The following LAMA2 variants were observed in gnomAD, a reference collection of about 807,000 sequenced individuals.
LAMA2 encodes the protein laminin subunit alpha-2.
Under a neutral mutation model 364.8 loss-of-function variants are expected in LAMA2, and 269 were observed. The observed-to-expected ratio is 0.74, with a 90% CI of 0.67 to 0.82. The LOEUF is 0.82. Ranked by LOEUF, LAMA2 falls within the 40% of genes least tolerant of loss-of-function variation. The pLI is 0.00. For synonymous variants in LAMA2, 1,379 were observed against 1,370.6 expected (o/e 1.01, Z -0.14); for missense variants, 3,807 against 3,873.2 (o/e 0.98, Z 0.45).
chr6:129,037,407 A>T (rs1786716892), intron 1 of LAMA2, among the ~76,000 whole-genome samples: 1 of 152,196 alleles, frequency 6.6e-6, no homozygotes, highest in African/African-American at 2.4e-5. Flanking sequence ...TAAAATGAAT[A>T]TATTGAAGTG....
intron 9 of LAMA2, among the ~76,000 whole-genome samples, chr6:129,176,832 T>A (rs1388060835): frequency 6.6e-6 from 1 of 152,130 alleles, no homozygotes; most frequent in Admixed American, 6.5e-5. Flanking sequence ...TTGTGCACAT[T>A]ACATGTTTAT....
intron 62 of LAMA2, among the ~76,000 whole-genome samples, chr6:129,511,929 G>GA (rs1786616875): frequency 6.6e-6 from 1 of 152,066 alleles, no homozygotes. Context: ...AAACTTTACT[G>GA]AAAAATAACT....
At chr6:129,410,677 T>C (rs543947642) in intron 40 of LAMA2, among the ~76,000 whole-genome samples, 1 of 152,126 alleles carries the variant, frequency 6.6e-6, no homozygotes, top group Non-Finnish European at 1.5e-5. Context: ...GATAGGTGGA[T>C]AATAGGCTGG....
chr6:129,481,245 C>G lies in LAMA2; in HGVS notation c.7573-18C>G. The stretch of plus-strand genomic sequence containing the variant: ...TTCATTTCTAATGGTTTCTACTCTT[C>G]TTTTCCTTTACTCACAGAATGTTTA... On this transcript the variant is annotated intron_variant, in intron 54 of 64. Transcript: ENST00000421865. 6.2e-7 allele frequency: 1 copy of G among 1,609,272 alleles called. No homozygotes were observed. Among genetic ancestry groups the G allele is most frequent in the Non-Finnish European group, 8.5e-7 (1 of 1,175,758 alleles).
rs116223750 is a variant in LAMA2 at position 129,421,004 on chromosome 6, T to C, written c.5866-6748T>C. The stretch of plus-strand genomic sequence containing the variant: ...CATTTTGAATATTTGGTGCTTGAGA[T>C]AAATAAAAAGTTTTGTTGGGTAAAT... On this transcript the variant is annotated intron_variant, in intron 40 of 64. Coordinates refer to ENST00000421865, the MANE Select transcript of LAMA2 (RefSeq NM_000426.4). Among the ~76,000 whole-genome samples, 436 of 152,302 alleles carry C rather than the reference T, an allele frequency of 2.9e-3. 3 individuals carry two copies. The highest frequency in any genetic ancestry group is 9.9e-3 in the African/African-American group (413 of 41,552).
intron 55 of LAMA2, among the ~76,000 whole-genome samples, chr6:129,486,048 A>G (rs896633811): frequency 6.6e-6 from 1 of 152,254 alleles, no homozygotes; most frequent in Non-Finnish European, 1.5e-5. Flanking sequence ...CTACCAGCTC[A>G]GAGAACAAAT....
chr6:129,443,120 C>G (rs1291560161), intron 44 of LAMA2, 52 bp downstream of exon 44: 3 of 1,432,886 alleles, frequency 2.1e-6, no homozygotes, highest in Non-Finnish European at 2.9e-6. Context: ...GCTTCATTGC[C>G]TATTGCAAAA....
chr6:129,478,616 T>C, intron 53 of LAMA2, 77 bp from the exon 54 acceptor site: 1 of 1,503,278 alleles, frequency 6.7e-7, no homozygotes, highest in Admixed American at 1.7e-5. Context: ...TCCACAAGGC[T>C]TCCTTCCCAT....
At chr6:128,972,905 A>G (rs1038333502) in intron 1 of LAMA2, among the ~76,000 whole-genome samples, 2 of 152,130 alleles carry the variant, frequency 1.3e-5, no homozygotes, top group African/African-American at 4.8e-5. Flanking sequence ...TTTGAAAAAT[A>G]TTGAGGTTAT....
rs111330068 is a variant in LAMA2 at position 129,287,764 on chromosome 6, G to A, written c.2538-83G>A. The A allele has an allele frequency of 7.2e-6, 8 of 1,106,094 alleles. No homozygotes were observed. In the African/African-American group the frequency reaches 7.7e-5, roughly 11 times the overall value. The allele number at this position is 1,106,094 out of a possible 1,614,324, so 68.5% of individuals were successfully genotyped here. A position where few individuals can be genotyped will look rare whatever the true frequency, so the allele number is the denominator to read the frequency against. On this transcript the variant is annotated intron_variant, in intron 18 of 64. Transcript: ENST00000421865. ...TTAAAAGGAAAATCCATCATCCTGGGAGAAGGGGAGAATGAAAAATATGTA... is the reference window on the plus strand; with the variant it reads ...TTAAAAGGAAAATCCATCATCCTGGAAGAAGGGGAGAATGAAAAATATGTA...
At chr6:129,335,816 G>A (rs1775925864) in intron 29 of LAMA2, among the ~76,000 whole-genome samples, 1 of 152,164 alleles carries the variant, frequency 6.6e-6, no homozygotes, top group Admixed American at 6.5e-5. Flanking sequence ...AAAAGTATTA[G>A]AAGCAGGTTT....
rs1786309286 is a variant in LAMA2, at chr6:129,252,241, T to G, written c.2042T>G (p.Leu681Trp). 6.2e-7 allele frequency: 1 copy of G among 1,614,038 alleles called. No homozygotes were observed. The highest frequency in any genetic ancestry group is 1.3e-5 in the African/African-American group (1 of 74,942). The change falls in exon 14 of 65, where the codon TTG (leucine) becomes TGG (tryptophan). Residue 681 changes from leucine to tryptophan, a missense_variant. Physicochemically the swap from Leu to Trp is moderately conservative, Grantham distance 61. Coordinates refer to ENST00000421865, the MANE Select transcript of LAMA2 (RefSeq NM_000426.4). ...RKEFMTVLANLKRVLLQITYS... is the reference protein window; with the variant it reads ...RKEFMTVLANWKRVLLQITYS... Reference sequence around the variant, plus strand: ...GAATTTATGACAGTGCTTGCGAATTTGAAGAGAGTCCTCCTACAAATCACA... The same window carrying G: ...GAATTTATGACAGTGCTTGCGAATTGGAAGAGAGTCCTCCTACAAATCACA...
At chr6:129,377,716 A>G (rs1051193953) in intron 34 of LAMA2, among the ~76,000 whole-genome samples, 2 of 152,218 alleles carry the variant, frequency 1.3e-5, no homozygotes, top group Non-Finnish European at 2.9e-5. Context: ...AAGCAATGTT[A>G]TCTATTCAGT....
intron 1 of LAMA2, among the ~76,000 whole-genome samples, chr6:128,970,876 C>G (rs992184807): frequency 1.3e-5 from 2 of 152,146 alleles, no homozygotes; most frequent in African/African-American, 2.4e-5. Flanking sequence ...ACATGTGTCT[C>G]TAGTGAGAGG....
At chr6:129,075,206 A>C (rs1176138194) in intron 3 of LAMA2, among the ~76,000 whole-genome samples, 1 of 152,206 alleles carries the variant, frequency 6.6e-6, no homozygotes, top group Admixed American at 6.5e-5. Flanking sequence ...AATACCAGTC[A>C]TAGAAAAATC....
intron 45 of LAMA2, among the ~76,000 whole-genome samples, chr6:129,451,357 A>T (rs1160940728): frequency 6.6e-6 from 1 of 152,220 alleles, no homozygotes; most frequent in Non-Finnish European, 1.5e-5. Context: ...TCTGAGGACC[A>T]TAGTTGGCCC....
intron 12 of LAMA2, among the ~76,000 whole-genome samples, chr6:129,235,781 G>A (rs1419508168): frequency 1.3e-5 from 2 of 152,094 alleles, no homozygotes; most frequent in African/African-American, 4.8e-5. Flanking sequence ...TTTGGCCATT[G>A]TTTTCTTTTT....
At chr6:129,102,136 T>C (rs574519343) in intron 4 of LAMA2, among the ~76,000 whole-genome samples, 2 of 149,800 alleles carry the variant, frequency 1.3e-5, no homozygotes, top group African/African-American at 4.9e-5. Context: ...CTTTCTTTTT[T>C]TTTTTTTTTT....
intron 55 of LAMA2, 23 bp from the exon 56 acceptor site, chr6:129,486,451 T>G: frequency 6.2e-7 from 1 of 1,612,116 alleles, no homozygotes; most frequent in South Asian, 1.1e-5. Context: ...TGTTTAATCT[T>G]CAATAACCAC....
Sources: allele counts gnomAD v4.1 joint callset (sites outside exome capture counted in the v4.1 genomes callset), GRCh38; gene constraint gnomAD v4.1.1; transcripts MANE v1.5; gene names NCBI Gene and HGNC (gene_info 2026-07-23, HGNC 2026-07-21).